The following CDKN2B-AS1 variants were observed in gnomAD, a reference collection of about 807,000 sequenced individuals.
The protein encoded by CDKN2B-AS1 is CDKN2B antisense RNA 1 (non-protein coding).
chr9:22,115,672 G>A (rs1381586888), intron 4 of CDKN2B-AS1, among the ~76,000 whole-genome samples: 2 of 152,148 alleles, frequency 1.3e-5, no homozygotes, highest in East Asian at 3.9e-4. Context: ...GGTGGGACCT[G>A]TGCTCCCATT....
In CDKN2B-AS1 at chr9:21,995,731, G is replaced by A. The variant is rs1383460250; in HGVS notation, n.29+570G>A. 2.0e-5 allele frequency: 3 copies of A among 152,524 alleles called. No individual in the cohort carries two copies. Among genetic ancestry groups the A allele is most frequent in the East Asian group, 1.9e-4 (1 of 5,174 alleles). The allele number at this position is 152,524 out of a possible 1,614,324, so 9.4% of individuals were successfully genotyped here. A position where few individuals can be genotyped will look rare whatever the true frequency, so the allele number is the denominator to read the frequency against. On this transcript the variant is annotated intron_variant and non_coding_transcript_variant, in intron 1 of 4. Transcript: ENST00000650946. This position sits in a 1 kb window ranked among gnomAD's most constrained non-coding sequence, Gnocchi z 5.7. ...GGAGAATGCGGAGGAGCCGGGTCCT[G>A]AGCGCGGTCTAAGCGAGGCTCGGCT... is the stretch of plus-strand genomic sequence containing the variant.
At chr9:22,040,304 A>C (rs1822847930) in intron 1 of CDKN2B-AS1, among the ~76,000 whole-genome samples, 1 of 152,062 alleles carries the variant, frequency 6.6e-6, no homozygotes, top group South Asian at 2.1e-4. Context: ...ACAAATTAGG[A>C]AATGGAGCCT....
At chr9:22,023,284 A>G (rs183381321) in intron 1 of CDKN2B-AS1, among the ~76,000 whole-genome samples, 192 of 152,220 alleles carry the variant, frequency 1.3e-3, no homozygotes, top group African/African-American at 4.4e-3. Flanking sequence ...TGTGGTCTCT[A>G]TATAATCCTA....
At chr9:22,077,134 C>G (rs183480169) in intron 4 of CDKN2B-AS1, among the ~76,000 whole-genome samples, 1 of 152,184 alleles carries the variant, frequency 6.6e-6, no homozygotes, top group Non-Finnish European at 1.5e-5. Flanking sequence ...ATTTTATTCT[C>G]TATTTCTGTA....
At chr9:22,022,030 T>A (rs551243638) in intron 1 of CDKN2B-AS1, among the ~76,000 whole-genome samples, 36 of 152,338 alleles carry the variant, frequency 2.4e-4, no homozygotes, top group African/African-American at 7.9e-4. Context: ...CAGTTTGTTA[T>A]GATTTCAGTT....
rs544546069 is a variant in CDKN2B-AS1 at position 22,041,312 on chromosome 9, A to G, written n.30-5439A>G. Among the ~76,000 whole-genome samples, 9 of 152,160 alleles carry G rather than the reference A, an allele frequency of 5.9e-5. No homozygotes were observed. The East Asian group carries it at 1.2e-3, about 20-fold the overall frequency. On this transcript the variant is annotated intron_variant and non_coding_transcript_variant, in intron 1 of 4. Coordinates refer to ENST00000650946, the Ensembl canonical transcript of CDKN2B-AS1. Reference sequence around the variant, plus strand: ...TAGGTGTGATCCTGAAGAGTTGTGTATAACAACAATGAACAAAAATAAAAT... The same window carrying G: ...TAGGTGTGATCCTGAAGAGTTGTGTGTAACAACAATGAACAAAAATAAAAT...
In CDKN2B-AS1 at chr9:22,001,181, A is replaced by G. The variant is rs1240830920; in HGVS notation, n.29+6020A>G. Among the ~76,000 whole-genome samples, 3 of 152,302 alleles carry G rather than the reference A, an allele frequency of 2.0e-5. No homozygotes were observed. The highest frequency in any genetic ancestry group is 3.9e-4 in the East Asian group (2 of 5,190). ...GAACATTGATAATGAGAGGATAGAT[A>G]GATTATGCATTTGGGGAGGAGGCCA... On this transcript the variant is annotated intron_variant and non_coding_transcript_variant, in intron 1 of 4. Coordinates refer to ENST00000650946, the Ensembl canonical transcript of CDKN2B-AS1. The surrounding 1 kb of genome is among the most constrained non-coding windows in gnomAD (Gnocchi z 4.2).
intron 4 of CDKN2B-AS1, among the ~76,000 whole-genome samples, chr9:22,095,423 G>C (rs1192914563): frequency 6.9e-6 from 1 of 144,942 alleles, no homozygotes; most frequent in Non-Finnish European, 1.5e-5. Flanking sequence ...TCTTAATCTT[G>C]AGTTCTAGTT....
intron 1 of CDKN2B-AS1, among the ~76,000 whole-genome samples, chr9:22,036,609 A>C (rs947939944): frequency 9.9e-5 from 15 of 152,086 alleles, no homozygotes; most frequent in Non-Finnish European, 1.6e-4. Flanking sequence ...CCCTATTAAT[A>C]TATTTTTAGC....
At chr9:22,029,542 T>C (rs1362030826) in intron 1 of CDKN2B-AS1, 1 of 779,308 alleles carries the variant, frequency 1.3e-6, no homozygotes, top group South Asian at 1.3e-5. Flanking sequence ...CCCATGACTT[T>C]CTTTGTGGTA....
At chr9:22,094,606 G>T (rs1043004590) in intron 4 of CDKN2B-AS1, among the ~76,000 whole-genome samples, 1 of 144,060 alleles carries the variant, frequency 6.9e-6, no homozygotes. Flanking sequence ...TGATCGAATC[G>T]GCTACTGAGG....
chr9:22,063,108 G>A lies in CDKN2B-AS1; in HGVS notation n.438+6721G>A, dbSNP rs117004757. ...TCAGTTGAAGTTTTAATGGTGCTTA[G>A]GAGAGAGATGTGAACGATAATAGAG... is the stretch of plus-strand genomic sequence containing the variant. On this transcript the variant is annotated intron_variant and non_coding_transcript_variant, in intron 4 of 4. Coordinates refer to ENST00000650946, the Ensembl canonical transcript of CDKN2B-AS1. 7.3e-3 allele frequency among the ~76,000 whole-genome samples: 1,110 copies of A among 152,150 alleles called. 13 individuals are homozygous for A. The highest frequency in any genetic ancestry group is 0.013 in the Non-Finnish European group (867 of 68,008).
rs1820849688 is a variant in CDKN2B-AS1 at position 21,999,907 on chromosome 9, C to A, written n.29+4746C>A. Among the ~76,000 whole-genome samples the A allele has an allele frequency of 6.6e-6, 1 of 152,110 alleles. No homozygotes were observed. Among genetic ancestry groups the A allele is most frequent in the Non-Finnish European group, 1.5e-5 (1 of 68,010 alleles). On this transcript the variant is annotated intron_variant and non_coding_transcript_variant, in intron 1 of 4. Transcript: ENST00000650946. This position sits in a 1 kb window ranked among gnomAD's most constrained non-coding sequence, Gnocchi z 4.7. Reference sequence around the variant, plus strand: ...CATTCATGTTTTCCAAATATGCATGCTGGGGGAGAGATGTTTGCAATTATA... The same window carrying A: ...CATTCATGTTTTCCAAATATGCATGATGGGGGAGAGATGTTTGCAATTATA...
chr9:22,098,501 A>C (rs1825368526), intron 4 of CDKN2B-AS1, among the ~76,000 whole-genome samples: 1 of 152,162 alleles, frequency 6.6e-6, no homozygotes, highest in Non-Finnish European at 1.5e-5. Context: ...ATAAAAAATG[A>C]AAAACAAAGT....
At chr9:22,124,538 C>T (rs1000448189) in intron 4 of CDKN2B-AS1, among the ~76,000 whole-genome samples, 3 of 152,110 alleles carry the variant, frequency 2.0e-5, no homozygotes, top group East Asian at 3.9e-4. Context: ...TTAATTGTAA[C>T]GCCTTTTATA....
chr9:22,081,525 C>A (rs1306387314), intron 4 of CDKN2B-AS1, among the ~76,000 whole-genome samples: 1 of 152,170 alleles, frequency 6.6e-6, no homozygotes, highest in Non-Finnish European at 1.5e-5. Flanking sequence ...CCCTGCCTGG[C>A]CTGATCCCAG....
chr9:22,088,850 C>G (rs1312047398), intron 4 of CDKN2B-AS1, among the ~76,000 whole-genome samples: 2 of 152,060 alleles, frequency 1.3e-5, no homozygotes, highest in Non-Finnish European at 2.9e-5. Context: ...AAGCAGACTC[C>G]CAGGCCTGGG....
At chr9:22,033,240 G>A (rs1324262202) in intron 1 of CDKN2B-AS1, among the ~76,000 whole-genome samples, 1 of 152,144 alleles carries the variant, frequency 6.6e-6, no homozygotes, top group African/African-American at 2.4e-5. Flanking sequence ...GACCACCGCT[G>A]CACTACACTA....
chr9:22,019,356 G>C (rs1407744189), intron 1 of CDKN2B-AS1, among the ~76,000 whole-genome samples: 1 of 152,192 alleles, frequency 6.6e-6, no homozygotes, highest in Non-Finnish European at 1.5e-5. Flanking sequence ...CAGAGGATAG[G>C]TTATGGTAGC....
Sources: allele counts gnomAD v4.1 joint callset (sites outside exome capture counted in the v4.1 genomes callset), GRCh38; gene constraint gnomAD v4.1.1; non-coding constraint Gnocchi (gnomAD v3.1); transcripts MANE v1.5; gene names NCBI Gene and HGNC (gene_info 2026-07-23, HGNC 2026-07-21).